The following STK33 variants were observed in gnomAD, a reference collection of about 807,000 sequenced individuals.
The protein encoded by STK33 is serine/threonine-protein kinase 33.
Under a neutral mutation model 58.0 loss-of-function variants are expected in STK33, and 52 were observed. The ratio of observed to expected loss-of-function variants is 0.90; its 90% CI spans 0.72 to 1.13. The LOEUF is 1.13. STK33 is among the 50% of genes most tolerant of loss of function. The pLI, the probability that STK33 is intolerant of heterozygous loss-of-function variation, is 0.00. For synonymous variants in STK33, 215 were observed against 200.1 expected, an observed-to-expected ratio of 1.07 and a Z score of -0.63; for missense variants, 630 against 604.2, an observed-to-expected ratio of 1.04 and a Z score of -0.45.
intron 1 of STK33, among the ~76,000 whole-genome samples, chr11:8,588,591 T>C (rs1000968012): frequency 1.3e-5 from 2 of 152,168 alleles, no homozygotes; most frequent in African/African-American, 4.8e-5. Context: ...GAAAACATAG[T>C]GGTAAATCTT....
intron 15 of STK33, among the ~76,000 whole-genome samples, chr11:8,397,832 G>A (rs766695359): frequency 4.3e-5 from 4 of 93,156 alleles, no homozygotes; most frequent in Non-Finnish European, 6.1e-5. Flanking sequence ...CTCAGTAGCC[G>A]ATTCGATCAA....
At chr11:8,443,117 A>T (rs1055986686) in intron 11 of STK33, among the ~76,000 whole-genome samples, 26 of 152,344 alleles carry the variant, frequency 1.7e-4, no homozygotes, top group Admixed American at 8.5e-4. Flanking sequence ...AGCAGATTTT[A>T]AAAAATCTAC....
chr11:8,511,772 T>C (rs1437415643), intron 1 of STK33, among the ~76,000 whole-genome samples: 1 of 152,172 alleles, frequency 6.6e-6, no homozygotes, highest in Non-Finnish European at 1.5e-5. Context: ...TTATGTGATA[T>C]ATCACATTTA....
the STK33 span, among the ~76,000 whole-genome samples, chr11:8,344,245 C>T: frequency 9.0e-6 from 1 of 111,524 alleles, no homozygotes; most frequent in Admixed American, 8.6e-5. Flanking sequence ...GTTAGCTGGG[C>T]ATGGTGCACA....
chr11:8,340,881 CAG>C, the STK33 span, among the ~76,000 whole-genome samples: 1 of 152,194 alleles, frequency 6.6e-6, no homozygotes, highest in Non-Finnish European at 1.5e-5. Context: ...TTTTTTGAGA[CAG>C]AGTCTCACTC....
intron 1 of STK33, among the ~76,000 whole-genome samples, chr11:8,579,585 T>C (rs1565410275): frequency 6.6e-6 from 1 of 151,814 alleles, no homozygotes; most frequent in Non-Finnish European, 1.5e-5. Flanking sequence ...ATAAATGAAA[T>C]GAAAGCCAAA....
At chr11:8,492,258 A>C (rs1443643934) in intron 1 of STK33, among the ~76,000 whole-genome samples, 1 of 152,162 alleles carries the variant, frequency 6.6e-6, no homozygotes, top group Admixed American at 6.5e-5. Context: ...AGATCTACCA[A>C]GCAAATGGAA....
At position 8,576,462 on chromosome 11, in the gene STK33, T is replaced by C. The variant is rs188496926; in HGVS notation, c.-466+17621A>G. Among the ~76,000 whole-genome samples the C allele has an allele frequency of 2.3e-4, 35 of 152,342 alleles. No individual in the cohort carries two copies. The East Asian group carries it at 6.6e-3, about 29-fold the overall frequency. ...AATAAACCTGAAATCTATTTTCAGA[T>C]TGTAGATAAAATTTTTATAATGTAT... On this transcript the variant is annotated intron_variant, in intron 1 of 15. Coordinates refer to ENST00000687296, the MANE Select transcript of STK33 (RefSeq NM_001352389.2).
chr11:8,566,124 C>A (rs918545399), intron 1 of STK33, among the ~76,000 whole-genome samples: 2 of 152,202 alleles, frequency 1.3e-5, no homozygotes, highest in African/African-American at 4.8e-5. Context: ...GACTCTCCAA[C>A]TATATTTAAT....
the STK33 span, among the ~76,000 whole-genome samples, chr11:8,377,059 T>C: frequency 6.6e-6 from 1 of 152,218 alleles, no homozygotes; most frequent in African/African-American, 2.4e-5. Context: ...ATCCTGCCCA[T>C]GTTGGTCCAT....
In STK33 at chr11:8,538,067, A is replaced by C. The variant is rs1230373132; in HGVS notation, c.-466+56016T>G. 3.3e-5 allele frequency among the ~76,000 whole-genome samples: 5 copies of C among 152,032 alleles called. No individual in the cohort carries two copies. The East Asian group carries it at 9.7e-4, about 29-fold the overall frequency. ...GTTGGGCATGGTGGTGTGCACCTGT[A>C]GTCCAAGCTTTCAGGAGGCTGAGCT... is the stretch of plus-strand genomic sequence containing the variant. On this transcript the variant is annotated intron_variant, in intron 1 of 15. Transcript: ENST00000687296.
chr11:8,346,700 C>T, the STK33 span, among the ~76,000 whole-genome samples: 4 of 152,156 alleles, frequency 2.6e-5, no homozygotes, highest in African/African-American at 4.8e-5. Flanking sequence ...CTACATGAGG[C>T]GGCCTCCTCG....
chr11:8,435,544 G>T lies in STK33; in HGVS notation c.1096C>A (p.Pro366Thr). Residue 366 changes from proline (P) to threonine (T), a missense_variant, in exon 14 of 16, where the codon CCT (proline) becomes ACT (threonine). Pro to Thr is a conservative substitution (Grantham distance 38, BLOSUM62 -1). Transcript: ENST00000687296. ...TCCTTAGCTGTGATTCTGTGAGCAGGATCTACTTTCATAAGTTGTTTCAAA... is the reference window on the plus strand; with the variant it reads ...TCCTTAGCTGTGATTCTGTGAGCAGTATCTACTTTCATAAGTTGTTTCAAA... Reference protein sequence around the residue: ...SVLKQLMKVDPAHRITAKELL... With the variant: ...SVLKQLMKVDTAHRITAKELL... 3.3e-6 allele frequency: 5 copies of T among 1,510,618 alleles called. No individual in the cohort carries two copies. Among genetic ancestry groups the T allele is most frequent in the Non-Finnish European group, 4.5e-6 (5 of 1,120,380 alleles). 93.6% of individuals were successfully genotyped at this position (1,510,618 alleles called of 1,614,324 possible).
chr11:8,382,935 C>T, the STK33 span, among the ~76,000 whole-genome samples: 108 of 152,316 alleles, frequency 7.1e-4, no homozygotes, highest in African/African-American at 2.5e-3. Flanking sequence ...CTGCAAAAAG[C>T]CTCTTTAGCA....
chr11:8,522,797 C>T (rs569808279), intron 1 of STK33, among the ~76,000 whole-genome samples: 1 of 152,230 alleles, frequency 6.6e-6, no homozygotes, highest in South Asian at 2.1e-4. Context: ...TCTACGGTCT[C>T]CCTCTCCCTC....
intron 6 of STK33, among the ~76,000 whole-genome samples, chr11:8,472,652 T>C (rs1370132246): frequency 6.6e-6 from 1 of 152,260 alleles, no homozygotes; most frequent in East Asian, 1.9e-4. Flanking sequence ...GTTTCTTTAA[T>C]GTTAAAAACA....
the STK33 span, among the ~76,000 whole-genome samples, chr11:8,336,367 G>T: frequency 6.6e-6 from 1 of 152,262 alleles, no homozygotes; most frequent in Admixed American, 6.5e-5. Flanking sequence ...AAAGCCTTGA[G>T]TGAGGAATCA....
chr11:8,523,364 C>T (rs1425065688), intron 1 of STK33, among the ~76,000 whole-genome samples: 2 of 149,426 alleles, frequency 1.3e-5, no homozygotes, highest in Non-Finnish European at 3.0e-5. Context: ...TCTGCCCGGC[C>T]GCCCATCGTC....
chr11:8,485,005 T>C (rs1201306341), intron 1 of STK33, among the ~76,000 whole-genome samples: 2 of 152,218 alleles, frequency 1.3e-5, no homozygotes, highest in African/African-American at 4.8e-5. Flanking sequence ...GAAATCATCA[T>C]GTCCCTTTAA....
Sources: gnomAD v4.1 joint callset for allele counts (sites outside exome capture counted in the v4.1 genomes callset) on GRCh38, gnomAD v4.1.1 for gene constraint, MANE v1.5 for transcripts, NCBI Gene and HGNC (gene_info 2026-07-23, HGNC 2026-07-21) for gene names.